The following PIP5K1A variants were observed in gnomAD, a reference collection of about 807,000 sequenced individuals.
PIP5K1A encodes phosphatidylinositol 4-phosphate 5-kinase type-1 alpha.
Under a neutral mutation model 72.9 loss-of-function variants are expected in PIP5K1A, and 46 were observed. That is an observed-to-expected ratio of 0.63 (90% CI 0.50 to 0.81). PIP5K1A has a LOEUF of 0.81. Among genes scored for constraint, PIP5K1A ranks in the 30% least tolerant of loss-of-function variants. The pLI is 0.00. For synonymous variants in PIP5K1A, 228 were observed against 255.1 expected (o/e 0.89, Z 1.01); for missense variants, 458 against 706.1 (o/e 0.65, Z 3.98).
rs587632886 is a variant in PIP5K1A at position 151,236,080 on chromosome 1, C to T, written c.940-478C>T. On this transcript the variant is annotated intron_variant, in intron 8 of 15. Coordinates refer to ENST00000368888, the MANE Select transcript of PIP5K1A (RefSeq NM_001135638.2). ...AGGTTGCAGTGAGCCAAGATCGCGCCACTGTACTCCAGCCTGGCGACAAAG... is the reference window on the plus strand; with the variant it reads ...AGGTTGCAGTGAGCCAAGATCGCGCTACTGTACTCCAGCCTGGCGACAAAG... Among the ~76,000 whole-genome samples the T allele has an allele frequency of 3.4e-5, 5 of 147,662 alleles. No individual in the cohort carries two copies. The South Asian group carries it at 1.1e-3, about 32-fold the overall frequency.
chr1:151,214,340 G>C (rs1019237139), intron 1 of PIP5K1A, among the ~76,000 whole-genome samples: 3 of 151,824 alleles, frequency 2.0e-5, no homozygotes, highest in Non-Finnish European at 4.4e-5. Flanking sequence ...GATTTTTAAG[G>C]CTTTTTGCTT....
chr1:151,237,066 G>C (rs1690994617), intron 9 of PIP5K1A, among the ~76,000 whole-genome samples: 1 of 152,046 alleles, frequency 6.6e-6, no homozygotes, highest in Admixed American at 6.6e-5. Context: ...CTGACCTCAG[G>C]TGATCCACCC....
chr1:151,235,542 TA>T (rs1207976506), intron 8 of PIP5K1A, among the ~76,000 whole-genome samples: 1 of 152,230 alleles, frequency 6.6e-6, no homozygotes, highest in Non-Finnish European at 1.5e-5. Context: ...TATATCTCTG[TA>T]AGGAGGCACA....
In PIP5K1A at chr1:151,247,968, CA is replaced by C; in HGVS notation, c.*109del. 3 of 1,021,176 alleles carry C rather than the reference CA, an allele frequency of 2.9e-6. No homozygotes were observed. The highest frequency in any genetic ancestry group is 1.8e-5 in the Admixed American group (1 of 56,674). The allele number at this position is 1,021,176 out of a possible 1,614,324, so 63.3% of individuals were successfully genotyped here. On this transcript the variant is annotated 3_prime_UTR_variant, in exon 16 of 16. Coordinates refer to ENST00000368888, the MANE Select transcript of PIP5K1A (RefSeq NM_001135638.2). ...GCTGAATTTTCTTCTACTTGGTCATCAAAAAAGGAGTGTAATAGAAGTGAGG... is the reference window on the plus strand; with the variant it reads ...GCTGAATTTTCTTCTACTTGGTCATCAAAAAGGAGTGTAATAGAAGTGAGG...
upstream of PIP5K1A, chr1:151,198,258 C>G (rs1240225830): frequency 5.5e-6 from 2 of 362,934 alleles, no homozygotes; most frequent in East Asian, 8.1e-5. Context: ...AGTACTCCCG[C>G]AGAGAGTTCT....
chr1:151,232,568 G>A lies in PIP5K1A; in HGVS notation c.504G>A (p.Glu168=). 1 of 1,606,548 alleles carries A rather than the reference G, an allele frequency of 6.2e-7. No homozygotes were observed. The highest frequency in any genetic ancestry group is 8.5e-7 in the Non-Finnish European group (1 of 1,177,718). The part of the protein sequence containing the change: ...PDDYLYSLCS[E]PLIELCSSGA... The stretch of plus-strand genomic sequence containing the variant: ...TGCCCCAGTATTCCCTCTGCAGTGA[G>A]CCGCTGATTGAACTCTGTAGCTCTG... The change falls in exon 7 of 16, where the codon GAG becomes GAA. Residue 168 remains glutamate, a synonymous_variant. Coordinates refer to ENST00000368888, the MANE Select transcript of PIP5K1A (RefSeq NM_001135638.2).
At chr1:151,203,411 C>G (rs1343676641) in intron 1 of PIP5K1A, among the ~76,000 whole-genome samples, 1 of 151,826 alleles carries the variant, frequency 6.6e-6, no homozygotes, top group Non-Finnish European at 1.5e-5. Flanking sequence ...CACCTGTAAT[C>G]CCAGCTACTC....
chr1:151,196,478 G>C (rs1385686329), upstream of PIP5K1A, among the ~76,000 whole-genome samples: 3 of 151,940 alleles, frequency 2.0e-5, no homozygotes, highest in Non-Finnish European at 4.4e-5. Context: ...TAATCCAGCA[G>C]GTGGCAGCAG....
intron 3 of PIP5K1A, among the ~76,000 whole-genome samples, chr1:151,225,631 G>A (rs1456641150): frequency 2.0e-5 from 3 of 151,740 alleles, no homozygotes; most frequent in African/African-American, 4.8e-5. Context: ...CACCATGCCC[G>A]CCTAATTTTT....
Position 151,198,809 on chromosome 1 carries a change from G to C in PIP5K1A, c.-188G>C. ...GGACGTGAGTTCTTCCCCATGCCAGGCGAATGGTGTGGCCTTGAGCTGGTC... is the reference window on the plus strand; with the variant it reads ...GGACGTGAGTTCTTCCCCATGCCAGCCGAATGGTGTGGCCTTGAGCTGGTC... On this transcript the variant is annotated 5_prime_UTR_variant, in exon 1 of 16. Coordinates refer to ENST00000368888, the MANE Select transcript of PIP5K1A (RefSeq NM_001135638.2). The C allele has an allele frequency of 1.5e-6, 1 of 663,554 alleles. No individual in the cohort carries two copies. Among genetic ancestry groups the C allele is most frequent in the Non-Finnish European group, 2.7e-6 (1 of 371,770 alleles). 41.1% of individuals were successfully genotyped at this position (663,554 alleles called of 1,614,324 possible).
intron 1 of PIP5K1A, among the ~76,000 whole-genome samples, chr1:151,219,678 G>C (rs1025182213): frequency 1.3e-5 from 2 of 151,496 alleles, no homozygotes; most frequent in African/African-American, 4.9e-5. Context: ...TGGGCGACAA[G>C]AGTGAAACTC....
intron 9 of PIP5K1A, 47 bp downstream of exon 9, chr1:151,236,810 A>AT: frequency 1.1e-6 from 1 of 903,702 alleles, no homozygotes; most frequent in East Asian, 2.8e-5. Flanking sequence ...GGCCCACAGC[A>AT]CTTTTCTTTT....
chr1:151,218,932 C>T (rs1688008116), intron 1 of PIP5K1A, among the ~76,000 whole-genome samples: 1 of 151,748 alleles, frequency 6.6e-6, no homozygotes. Flanking sequence ...CTGTCACTGC[C>T]TATGCTTTGA....
chr1:151,221,683 C>T (rs907315055), intron 1 of PIP5K1A, among the ~76,000 whole-genome samples: 4 of 152,076 alleles, frequency 2.6e-5, no homozygotes, highest in African/African-American at 9.7e-5. Flanking sequence ...ATAATGTATT[C>T]CTACAGTATT....
chr1:151,242,085 G>A, intron 12 of PIP5K1A, 38 bp from the exon 13 acceptor site: 1 of 1,609,044 alleles, frequency 6.2e-7, no homozygotes, highest in Non-Finnish European at 8.5e-7. Context: ...TAGTTGCTAA[G>A]GTAGTTGCTA....
intron 1 of PIP5K1A, among the ~76,000 whole-genome samples, chr1:151,210,612 T>A (rs1686668396): frequency 6.6e-6 from 1 of 152,044 alleles, no homozygotes; most frequent in African/African-American, 2.4e-5. Context: ...TGAGATGGAG[T>A]CTCGCTCTGT....
Position 151,242,159 on chromosome 1 carries a change from C to T in PIP5K1A, c.1400C>T (p.Ser467Leu), listed in dbSNP as rs1558300731. The T allele has an allele frequency of 5.6e-6, 9 of 1,614,132 alleles. No individual in the cohort carries two copies. The highest frequency in any genetic ancestry group is 6.8e-6 in the Non-Finnish European group (8 of 1,180,018). Residue 467 changes from serine (S) to leucine (L), a missense_variant, in exon 13 of 16, where the codon TCA becomes TTA. Transcript: ENST00000368888. ...CCTTCCAAAAAGTTTCGGTCTGGCT[C>T]ATCTTTCTCTCGGCGAGCAGGCTCC... is the stretch of plus-strand genomic sequence containing the variant. ...PSPSKKFRSGSSFSRRAGSSG... is the reference protein window; with the variant it reads ...PSPSKKFRSGLSFSRRAGSSG...
Position 151,219,621 on chromosome 1 carries a change from G to T in PIP5K1A, c.86-4624G>T, listed in dbSNP as rs912395512. Among the ~76,000 whole-genome samples, 44 of 152,052 alleles carry T rather than the reference G, an allele frequency of 2.9e-4. 1 individual carries two copies. The highest frequency in any genetic ancestry group is 1.0e-3 in the African/African-American group (43 of 41,404). On this transcript the variant is annotated intron_variant, in intron 1 of 15. Coordinates refer to ENST00000368888, the MANE Select transcript of PIP5K1A (RefSeq NM_001135638.2). ...AGGCAGGAGAATCTCTTGAACCCGG[G>T]AGGTGGAGGTTGCGGTGATCCGAGA...
intron 1 of PIP5K1A, among the ~76,000 whole-genome samples, chr1:151,211,812 G>GA (rs1311125521): frequency 2.1e-4 from 27 of 129,256 alleles, no homozygotes; most frequent in East Asian, 1.6e-3. Flanking sequence ...TCTCAAAAAA[G>GA]AAAAAAAAAG....
Sources: gnomAD v4.1 joint callset for allele counts (sites outside exome capture counted in the v4.1 genomes callset) on GRCh38, gnomAD v4.1.1 for gene constraint, MANE v1.5 for transcripts, NCBI Gene and HGNC (gene_info 2026-07-23, HGNC 2026-07-21) for gene names.